The following STIMATE variants were observed in gnomAD, a reference collection of about 807,000 sequenced individuals.
STIMATE encodes store-operated calcium entry regulator STIMATE.
STIMATE carries 15 observed loss-of-function variants against 36.7 expected under a neutral mutation model. The ratio of observed to expected loss-of-function variants is 0.41; its 90% CI spans 0.27 to 0.63. The LOEUF (loss-of-function observed/expected upper bound fraction) is 0.63. Ranked by LOEUF, STIMATE falls within the 20% of genes least tolerant of loss-of-function variation. The pLI is 0.32. For synonymous variants in STIMATE, 163 were observed against 162.3 expected, an observed-to-expected ratio of 1.00 and a Z score of -0.03; for missense variants, 305 against 397.3, an observed-to-expected ratio of 0.77 and a Z score of 1.98.
At chr3:52,893,371 CAAA>C (rs113274116) in intron 1 of STIMATE, among the ~76,000 whole-genome samples, 1 of 118,540 alleles carries the variant, frequency 8.4e-6, no homozygotes, top group Non-Finnish European at 1.8e-5. Context: ...ATGGCTCAGC[CAAA>C]AAAAAAAAAG....
intron 1 of STIMATE, among the ~76,000 whole-genome samples, chr3:52,892,424 A>C (rs1701797548): frequency 6.6e-6 from 1 of 152,260 alleles, no homozygotes; most frequent in South Asian, 2.1e-4. Context: ...GCTCTGAGCC[A>C]GCCAGTATGC....
chr3:52,895,132 C>G (rs1181435505), intron 1 of STIMATE, among the ~76,000 whole-genome samples: 1 of 152,246 alleles, frequency 6.6e-6, no homozygotes, highest in African/African-American at 2.4e-5. Flanking sequence ...CTTAAGGCTA[C>G]CTTGATCTCG....
At chr3:52,843,103 C>T in intron 6 of STIMATE, 143 bp from the exon 7 acceptor site, 1 of 1,391,554 alleles carries the variant, frequency 7.2e-7, no homozygotes, top group South Asian at 1.5e-5. Context: ...ACCCTGCTCT[C>T]TCCCAAAGCT....
chr3:52,853,309 G>C (rs536042117), intron 2 of STIMATE, among the ~76,000 whole-genome samples: 1 of 152,352 alleles, frequency 6.6e-6, no homozygotes, highest in Non-Finnish European at 1.5e-5. Flanking sequence ...TAGTGTGCCA[G>C]CCCCTGGACT....
intron 1 of STIMATE, among the ~76,000 whole-genome samples, chr3:52,891,174 A>T (rs1223858210): frequency 1.3e-5 from 2 of 152,246 alleles, no homozygotes; most frequent in African/African-American, 2.4e-5. Flanking sequence ...CGGAGTAATC[A>T]GAAAGTGAAC....
intron 1 of STIMATE, among the ~76,000 whole-genome samples, chr3:52,874,564 T>G (rs1163360278): frequency 6.6e-6 from 1 of 152,156 alleles, no homozygotes; most frequent in Admixed American, 6.5e-5. Context: ...ACTTTTGTAG[T>G]AACAACAAAA....
At chr3:52,843,886 G>C in intron 5 of STIMATE, 88 bp from the exon 6 acceptor site, 1 of 1,571,984 alleles carries the variant, frequency 6.4e-7, no homozygotes, top group Non-Finnish European at 8.6e-7. Context: ...GGCCCTGAGG[G>C]AGCCTTAGCT....
At chr3:52,888,171 C>T (rs541846950) in intron 1 of STIMATE, among the ~76,000 whole-genome samples, 111 of 152,080 alleles carry the variant, frequency 7.3e-4, no homozygotes, top group Middle Eastern at 6.8e-3. Context: ...TGCTTCTGAA[C>T]CCCTTTTTTG....
At chr3:52,866,716 A>G (rs2336662) in intron 1 of STIMATE, among the ~76,000 whole-genome samples, 145,310 of 152,298 alleles carry the variant, frequency 0.95, 69,696 homozygotes, top group East Asian at 1. Flanking sequence ...TCAGAGCCCG[A>G]TCTGGGCTGG....
At chr3:52,855,597 G>A (rs779367702) in intron 1 of STIMATE, among the ~76,000 whole-genome samples, 153 bp from the exon 2 acceptor site, 2 of 152,176 alleles carry the variant, frequency 1.3e-5, no homozygotes, top group African/African-American at 2.4e-5. Context: ...TAAGCCCTGC[G>A]AAGGTCACTG....
chr3:52,843,687 G>A, intron 6 of STIMATE, 34 bp downstream of exon 6: 2 of 1,614,068 alleles, frequency 1.2e-6, no homozygotes, highest in Admixed American at 1.7e-5. Context: ...CAGACAGGGA[G>A]CAAATCGGGA....
chr3:52,854,733 A>G (rs1376012492), intron 2 of STIMATE, among the ~76,000 whole-genome samples: 1 of 152,084 alleles, frequency 6.6e-6, no homozygotes, highest in Non-Finnish European at 1.5e-5. Context: ...TACCCTGAGG[A>G]CCCCACTACT....
intron 1 of STIMATE, among the ~76,000 whole-genome samples, chr3:52,895,674 A>C (rs935392549): frequency 2.6e-5 from 4 of 152,180 alleles, no homozygotes; most frequent in Non-Finnish European, 5.9e-5. Flanking sequence ...TCATCATCAC[A>C]TTTCCTTCTC....
At chr3:52,846,940 G>A (rs1308957765) in intron 4 of STIMATE, among the ~76,000 whole-genome samples, 3 of 152,154 alleles carry the variant, frequency 2.0e-5, no homozygotes, top group African/African-American at 7.2e-5. Context: ...GTCTCACTCT[G>A]TCATTCAGAC....
intron 1 of STIMATE, among the ~76,000 whole-genome samples, chr3:52,895,142 G>C (rs758364513): frequency 2.6e-5 from 4 of 152,306 alleles, no homozygotes; most frequent in Middle Eastern, 3.4e-3. Context: ...CCTTGATCTC[G>C]TTCCTCTTCC....
At chr3:52,875,329 C>T (rs1701484880) in intron 1 of STIMATE, among the ~76,000 whole-genome samples, 1 of 152,182 alleles carries the variant, frequency 6.6e-6, no homozygotes, top group African/African-American at 2.4e-5. Context: ...AAGGCATGGC[C>T]GTGGAGTCTG....
intron 3 of STIMATE, among the ~76,000 whole-genome samples, chr3:52,850,947 T>G (rs1161599190): frequency 7.9e-5 from 12 of 152,170 alleles, no homozygotes; most frequent in Admixed American, 3.3e-4. Context: ...CAGGCTGATC[T>G]TGAACTCCCG....
rs1700753390 is a variant in STIMATE at position 52,839,047 on chromosome 3, G to A, written c.*1447C>T. ...GTTTCCACAGCAGGGAAACGGCTGG[G>A]GTCAGCCCATTCCACAGTCACTCAG... On this transcript the variant is annotated 3_prime_UTR_variant, in exon 8 of 8. Transcript: ENST00000355083. 4 of 43,190 alleles carry A rather than the reference G, an allele frequency of 9.3e-5. No homozygotes were observed. The South Asian group carries it at 2.0e-3, about 22-fold the overall frequency. 2.7% of individuals were successfully genotyped at this position (43,190 alleles called of 1,614,324 possible).
intron 3 of STIMATE, 106 bp downstream of exon 3, chr3:52,852,497 C>A (rs1375190795): frequency 2.1e-6 from 3 of 1,402,024 alleles, no homozygotes; most frequent in Non-Finnish European, 3.0e-6. Flanking sequence ...AGGGGAGCAC[C>A]CTCTCCCCAA....
Sources: gnomAD v4.1 joint callset for allele counts (sites outside exome capture counted in the v4.1 genomes callset) on GRCh38, gnomAD v4.1.1 for gene constraint, MANE v1.5 for transcripts, NCBI Gene and HGNC (gene_info 2026-07-23, HGNC 2026-07-21) for gene names.